The following DLG2 variants were observed in gnomAD, a reference collection of about 807,000 sequenced individuals.
The protein encoded by DLG2 is discs large MAGUK scaffold protein 2, also known as disks large homolog 2.
DLG2 carries 45 observed loss-of-function variants against 132.5 expected under a neutral mutation model. That is an observed-to-expected ratio of 0.34 (90% CI 0.27 to 0.44). The LOEUF is 0.44. Ranked by LOEUF, DLG2 falls within the 20% of genes least tolerant of loss-of-function variation. DLG2 has a pLI of 1.00. For missense variants in DLG2, 1,045 were observed against 1,196.9 expected (o/e 0.87, Z 1.87); for synonymous variants, 424 against 419.6 (o/e 1.01, Z -0.13).
chr11:84,175,327 T>C (rs1040193376), intron 8 of DLG2, among the ~76,000 whole-genome samples: 2 of 152,110 alleles, frequency 1.3e-5, no homozygotes, highest in Non-Finnish European at 2.9e-5. Flanking sequence ...GTGTTTCTTT[T>C]ATGGCACCTA....
intron 6 of DLG2, among the ~76,000 whole-genome samples, chr11:84,886,059 T>C (rs1943727): frequency 0.42 from 64,331 of 151,496 alleles, 14,032 homozygotes; most frequent in Middle Eastern, 0.45. Flanking sequence ...ATGAGGGAGA[T>C]AGACTCACAA....
At chr11:83,712,824 C>T (rs2085769351) in intron 18 of DLG2, among the ~76,000 whole-genome samples, 2 of 151,862 alleles carry the variant, frequency 1.3e-5, no homozygotes, top group African/African-American at 2.4e-5. Flanking sequence ...GGGACAGGGG[C>T]ACGGAGAGCA....
chr11:84,086,789 C>G (rs1462388348), intron 10 of DLG2, among the ~76,000 whole-genome samples: 1 of 152,064 alleles, frequency 6.6e-6, no homozygotes, highest in African/African-American at 2.4e-5. Flanking sequence ...GGTGCCCAGC[C>G]TAGAACATTT....
intron 3 of DLG2, among the ~76,000 whole-genome samples, chr11:85,352,266 C>G (rs1010981635): frequency 6.6e-6 from 1 of 152,126 alleles, no homozygotes; most frequent in African/African-American, 2.4e-5. Flanking sequence ...TCCCCTTTAT[C>G]ATTTTTTATT....
intron 3 of DLG2, among the ~76,000 whole-genome samples, chr11:85,503,955 G>C (rs117127764): frequency 0.011 from 1,699 of 150,850 alleles, 18 homozygotes; most frequent in Non-Finnish European, 0.02. Context: ...AGGAGGAGGA[G>C]GGACAGTGAT....
chr11:84,488,607 C>A (rs1296221978), intron 7 of DLG2, among the ~76,000 whole-genome samples: 1 of 152,072 alleles, frequency 6.6e-6, no homozygotes. Context: ...AGGACACTTG[C>A]AAGACAGCTT....
intron 14 of DLG2, among the ~76,000 whole-genome samples, chr11:83,932,776 T>C (rs1046676369): frequency 6.6e-6 from 1 of 152,066 alleles, no homozygotes; most frequent in Non-Finnish European, 1.5e-5. Flanking sequence ...AAGGGAGCCA[T>C]AAGCTACTCT....
chr11:85,126,988 G>A (rs894561683), intron 5 of DLG2, among the ~76,000 whole-genome samples: 1 of 152,122 alleles, frequency 6.6e-6, no homozygotes, highest in African/African-American at 2.4e-5. Flanking sequence ...CAGAAAATAG[G>A]AGAGAGCTCA....
intron 3 of DLG2, among the ~76,000 whole-genome samples, chr11:85,299,170 T>C (rs1203434826): frequency 2.0e-5 from 3 of 152,150 alleles, no homozygotes; most frequent in Non-Finnish European, 4.4e-5. Flanking sequence ...CCAATACTCC[T>C]ATGAGATAGG....
At chr11:84,703,187 T>C (rs556370646) in intron 6 of DLG2, among the ~76,000 whole-genome samples, 13 of 151,802 alleles carry the variant, frequency 8.6e-5, no homozygotes, top group South Asian at 4.1e-4. Context: ...GAAGTGTTCC[T>C]ATGCTTAGAT....
intron 22 of DLG2, among the ~76,000 whole-genome samples, chr11:83,482,431 A>G (rs2093196325): frequency 6.6e-6 from 1 of 152,174 alleles, no homozygotes; most frequent in Admixed American, 6.6e-5. Flanking sequence ...TAGTTATTAA[A>G]GAGGAAAAAT....
intron 7 of DLG2, among the ~76,000 whole-genome samples, chr11:84,310,209 T>C (rs1379244588): frequency 6.6e-6 from 1 of 152,178 alleles, no homozygotes; most frequent in African/African-American, 2.4e-5. Context: ...CCTCCCAGCA[T>C]ACTTCAAAAG....
chr11:84,709,308 G>A (rs991084819), intron 6 of DLG2, among the ~76,000 whole-genome samples: 2 of 151,490 alleles, frequency 1.3e-5, no homozygotes, highest in South Asian at 2.1e-4. Flanking sequence ...CCTGAGTCTT[G>A]GGTATGAACA....
chr11:84,979,838 A>C (rs1239185559), intron 6 of DLG2, among the ~76,000 whole-genome samples: 2 of 152,076 alleles, frequency 1.3e-5, no homozygotes, highest in East Asian at 3.9e-4. Context: ...CAAAAAAAAA[A>C]CAAAAAAACT....
chr11:85,255,676 G>A (rs918220441), intron 4 of DLG2, among the ~76,000 whole-genome samples: 4 of 152,076 alleles, frequency 2.6e-5, no homozygotes, highest in African/African-American at 9.7e-5. Context: ...TATCTCTTAT[G>A]CTTCTATATT....
At chr11:84,758,147 T>C (rs562126552) in intron 6 of DLG2, among the ~76,000 whole-genome samples, 8 of 152,376 alleles carry the variant, frequency 5.3e-5, no homozygotes, top group Admixed American at 2.6e-4. Flanking sequence ...TCTTATAATC[T>C]AATAAGGATT....
intron 5 of DLG2, among the ~76,000 whole-genome samples, chr11:85,148,923 G>A (rs2077042507): frequency 1.3e-5 from 2 of 152,128 alleles, no homozygotes; most frequent in South Asian, 4.1e-4. Context: ...GTTAATTTTT[G>A]TATAAAGTAT....
chr11:84,167,759 C>T (rs1357823808), intron 8 of DLG2, among the ~76,000 whole-genome samples: 1 of 151,966 alleles, frequency 6.6e-6, no homozygotes, highest in Non-Finnish European at 1.5e-5. Flanking sequence ...CTCTGCATAC[C>T]AGGTTTAAGT....
At chr11:84,534,426 T>A in intron 7 of DLG2, 144 bp downstream of exon 7, 1 of 713,044 alleles carries the variant, frequency 1.4e-6, no homozygotes, top group Non-Finnish European at 2.3e-6. Flanking sequence ...GGGCCTCCAA[T>A]GCACAAGAAA....
Sources: allele counts gnomAD v4.1 joint callset (sites outside exome capture counted in the v4.1 genomes callset), GRCh38; gene constraint gnomAD v4.1.1; transcripts MANE v1.5; gene names NCBI Gene and HGNC (gene_info 2026-07-23, HGNC 2026-07-21).